ZSCAN5A: variants seen among roughly 807,000 people sequenced by gnomAD.
ZSCAN5A encodes zinc finger and SCAN domain containing 5A, also known as zinc finger and SCAN domain-containing protein 5A.
A neutral mutation model predicts 23.7 loss-of-function variants in ZSCAN5A; 12 were observed. The ratio of observed to expected loss-of-function variants is 0.51; its 90% CI spans 0.32 to 0.82. ZSCAN5A has a LOEUF of 0.82. Among genes scored for constraint, ZSCAN5A ranks in the 40% least tolerant of loss-of-function variants. The pLI is 0.03. For missense variants in ZSCAN5A, 597 were observed against 617.9 expected (o/e 0.97, Z 0.36); for synonymous variants, 257 against 239.9 (o/e 1.07, Z -0.66).
At chr19:56,333,111 G>A (rs2041504147) in intron 2 of ZSCAN5A, among the ~76,000 whole-genome samples, 1 of 151,398 alleles carries the variant, frequency 6.6e-6, no homozygotes, top group South Asian at 2.1e-4. Flanking sequence ...TAGTATTGAT[G>A]GTAGACAGTG....
chr19:56,274,703 T>A (rs183852853), intron 2 of ZSCAN5A: 1 of 152,194 alleles, frequency 6.6e-6, no homozygotes, highest in Non-Finnish European at 1.5e-5. Flanking sequence ...TTTCTACTAA[T>A]AGAAAAACTA....
intron 2 of ZSCAN5A, among the ~76,000 whole-genome samples, chr19:56,260,522 A>C (rs1175270408): frequency 2.0e-5 from 3 of 151,578 alleles, no homozygotes; most frequent in Non-Finnish European, 4.4e-5. Context: ...GCTTTTTTTT[A>C]CATTTTTTTA....
intron 1 of ZSCAN5A, chr19:56,314,249 C>A (rs2041224185): frequency 6.6e-6 from 1 of 152,180 alleles, no homozygotes; most frequent in Non-Finnish European, 1.5e-5. Context: ...ACAGCACGAA[C>A]CTGTAATCAA....
At chr19:56,259,990 A>C (rs2037002800) in intron 2 of ZSCAN5A, among the ~76,000 whole-genome samples, 1 of 152,208 alleles carries the variant, frequency 6.6e-6, no homozygotes, top group South Asian at 2.1e-4. Flanking sequence ...ATAAAAATTA[A>C]AAAATTGTTA....
intron 2 of ZSCAN5A, among the ~76,000 whole-genome samples, chr19:56,361,741 T>G (rs2041734739): frequency 6.6e-6 from 1 of 151,938 alleles, no homozygotes; most frequent in African/African-American, 2.4e-5. Context: ...TCAAAAGAAA[T>G]AGCTAATGCA....
intron 2 of ZSCAN5A, among the ~76,000 whole-genome samples, chr19:56,248,710 C>CGT (rs147307778): frequency 0.015 from 2,293 of 152,166 alleles, 74 homozygotes; most frequent in African/African-American, 0.051. Flanking sequence ...TCGGAGTATA[C>CGT]GTGTGAGCCA....
intron 2 of ZSCAN5A, among the ~76,000 whole-genome samples, chr19:56,272,108 G>T (rs62122530): frequency 0.046 from 6,976 of 152,176 alleles, 229 homozygotes; most frequent in Middle Eastern, 0.075. Context: ...ACTTGCTCAG[G>T]GTACATAGCT....
chr19:56,276,192 A>G (rs930624874), intron 2 of ZSCAN5A, among the ~76,000 whole-genome samples: 4 of 152,172 alleles, frequency 2.6e-5, no homozygotes, highest in Non-Finnish European at 5.9e-5. Flanking sequence ...CTCTCTGGCA[A>G]TTCTGGGGAA....
rs118090565 is a variant in ZSCAN5A, at chr19:56,281,075, T to A, written c.-128+32208A>T. Among the ~76,000 whole-genome samples the A allele has an allele frequency of 4.7e-3, 713 of 152,356 alleles. 2 individuals carry two copies. Among genetic ancestry groups the A allele is most frequent in the South Asian group, 0.011 (52 of 4,832 alleles). On this transcript the variant is annotated intron_variant, in intron 2 of 5. Transcript: ENST00000683990. ...ACAGTAGATTAACATATATTTTGTA[T>A]GTTACATATATTACATGCTGATTCT...
chr19:56,321,116 T>C (rs2041371006), intron 2 of ZSCAN5A: 2 of 677,796 alleles, frequency 3.0e-6, no homozygotes, highest in South Asian at 2.9e-5. Context: ...GGACGGATAC[T>C]GCTCCACGCT....
intron 2 of ZSCAN5A, among the ~76,000 whole-genome samples, chr19:56,269,906 A>T (rs535965978): frequency 6.6e-6 from 1 of 152,200 alleles, no homozygotes; most frequent in Non-Finnish European, 1.5e-5. Flanking sequence ...TATGATAATA[A>T]ATCTATGTCG....
At chr19:56,252,390 C>T (rs1318501126) in intron 2 of ZSCAN5A, among the ~76,000 whole-genome samples, 1 of 152,200 alleles carries the variant, frequency 6.6e-6, no homozygotes, top group Admixed American at 6.5e-5. Flanking sequence ...AGACTGAGGA[C>T]ACACACATAC....
chr19:56,346,888 C>T (rs749661431), intron 2 of ZSCAN5A, among the ~76,000 whole-genome samples: 10 of 152,012 alleles, frequency 6.6e-5, no homozygotes, highest in South Asian at 2.1e-4. Flanking sequence ...CTACCATGCC[C>T]GGCCAATTTT....
chr19:56,226,526 C>T (rs1416276024), intron 2 of ZSCAN5A, among the ~76,000 whole-genome samples: 3 of 152,160 alleles, frequency 2.0e-5, no homozygotes, highest in African/African-American at 4.8e-5. Context: ...GCACCCCTCA[C>T]GCCTGCTAGA....
At chr19:56,286,020 A>G (rs973969275) in intron 2 of ZSCAN5A, among the ~76,000 whole-genome samples, 4 of 151,988 alleles carry the variant, frequency 2.6e-5, no homozygotes, top group African/African-American at 9.7e-5. Flanking sequence ...ATATTATCTA[A>G]CTTTTTATTT....
intron 1 of ZSCAN5A, chr19:56,366,078 G>A (rs1230150486): frequency 6.6e-6 from 1 of 152,210 alleles, no homozygotes; most frequent in Non-Finnish European, 1.5e-5. Context: ...TGACCTGGAA[G>A]AAGGAAAATA....
At chr19:56,272,517 G>T (rs1186807674) in intron 2 of ZSCAN5A, among the ~76,000 whole-genome samples, 1 of 152,162 alleles carries the variant, frequency 6.6e-6, no homozygotes, top group African/African-American at 2.4e-5. Flanking sequence ...ATTAAAAAAG[G>T]TAACAATTAC....
At chr19:56,321,021 A>C (rs1382443737) in intron 2 of ZSCAN5A, 6 of 703,356 alleles carry the variant, frequency 8.5e-6, no homozygotes, top group African/African-American at 3.5e-5. Context: ...CACCTGCTGT[A>C]GTAATAAGAC....
chr19:56,279,278 T>C (rs1407933050), intron 2 of ZSCAN5A, among the ~76,000 whole-genome samples: 1 of 151,544 alleles, frequency 6.6e-6, no homozygotes, highest in African/African-American at 2.4e-5. Flanking sequence ...GGGAAAAAGA[T>C]CTCTTTTTTT....
Sources: gnomAD v4.1 joint callset for allele counts (sites outside exome capture counted in the v4.1 genomes callset) on GRCh38, gnomAD v4.1.1 for gene constraint, MANE v1.5 for transcripts, NCBI Gene and HGNC (gene_info 2026-07-23, HGNC 2026-07-21) for gene names.